The following CHRM3 variants were observed in gnomAD, a reference collection of about 807,000 sequenced individuals.
CHRM3 encodes the protein muscarinic acetylcholine receptor M3.
A neutral mutation model predicts 41.8 loss-of-function variants in CHRM3; 11 were observed. The observed-to-expected ratio is 0.26, with a 90% confidence interval of 0.17 to 0.44. The LOEUF (loss-of-function observed/expected upper bound fraction) is 0.44, where lower values mean the gene tolerates loss of function less well. CHRM3 is among the 20% of genes least tolerant of loss of function. The pLI is 1.00. For missense variants in CHRM3, 571 were observed against 745.4 expected, an observed-to-expected ratio of 0.77 and a Z score of 2.72; for synonymous variants, 297 against 301.4, an observed-to-expected ratio of 0.99 and a Z score of 0.15.
chr1:239,565,636 T>A (rs1661286531), intron 3 of CHRM3, among the ~76,000 whole-genome samples: 2 of 152,224 alleles, frequency 1.3e-5, no homozygotes, highest in South Asian at 4.1e-4. Context: ...GTCCTTGTGA[T>A]CTATATTGGA....
chr1:239,540,404 AT>A (rs1415484755), intron 2 of CHRM3, among the ~76,000 whole-genome samples: 1 of 152,228 alleles, frequency 6.6e-6, no homozygotes, highest in Non-Finnish European at 1.5e-5. Flanking sequence ...CTTTAAAAAA[AT>A]CTGCCTCTGT....
chr1:239,475,919 T>C (rs961022410), intron 1 of CHRM3, among the ~76,000 whole-genome samples: 1 of 152,140 alleles, frequency 6.6e-6, no homozygotes, highest in East Asian at 1.9e-4. Context: ...AATTCTGTGG[T>C]TGAGAATTGT....
chr1:239,439,573 G>T (rs1663545831), intron 1 of CHRM3, among the ~76,000 whole-genome samples: 1 of 152,118 alleles, frequency 6.6e-6, no homozygotes, highest in African/African-American at 2.4e-5. Context: ...GATAAATCCT[G>T]ATAAATTGTT....
intron 5 of CHRM3, among the ~76,000 whole-genome samples, chr1:239,679,171 T>C (rs1235275242): frequency 6.6e-6 from 1 of 152,208 alleles, no homozygotes. Flanking sequence ...TGCTTACTTG[T>C]ATGCAACTTT....
At chr1:239,806,875 A>G (rs961163017) in intron 5 of CHRM3, among the ~76,000 whole-genome samples, 3 of 152,208 alleles carry the variant, frequency 2.0e-5, no homozygotes, top group Non-Finnish European at 4.4e-5. Context: ...AAGGCGTAAA[A>G]TTAATAAACT....
At chr1:239,787,794 C>A (rs79031012) in intron 5 of CHRM3, among the ~76,000 whole-genome samples, 2,103 of 152,210 alleles carry the variant, frequency 0.014, 46 homozygotes, top group African/African-American at 0.048. Context: ...AGCTTGCCTG[C>A]AATTTTCTAA....
rs921180876 is a variant in CHRM3, at chr1:239,731,284, T to G, written c.-147+52996T>G. Among the ~76,000 whole-genome samples the G allele has an allele frequency of 3.3e-5, 5 of 151,888 alleles. No homozygotes were observed. In the South Asian group the frequency reaches 1.0e-3, roughly 31 times the overall value. The stretch of plus-strand genomic sequence containing the variant: ...ACTATATGGATGTCAGTGGAATCCA[T>G]GAGTCTGACTGAGAGCACTCAGACA... On this transcript the variant is annotated intron_variant, in intron 5 of 6. Coordinates refer to ENST00000676153, the MANE Select transcript of CHRM3 (RefSeq NM_001375978.1).
chr1:239,577,233 C>T (rs927777463), intron 3 of CHRM3, among the ~76,000 whole-genome samples: 2 of 152,006 alleles, frequency 1.3e-5, no homozygotes, highest in Non-Finnish European at 2.9e-5. Context: ...TCCTTTCCTT[C>T]GTTTTTCTTT....
chr1:239,808,531 A>C (rs1400634445), intron 5 of CHRM3, among the ~76,000 whole-genome samples: 1 of 152,184 alleles, frequency 6.6e-6, no homozygotes, highest in Non-Finnish European at 1.5e-5. Flanking sequence ...TACGAGATCA[A>C]ATCTAACGGA....
intron 4 of CHRM3, among the ~76,000 whole-genome samples, chr1:239,646,579 A>C (rs1438452656): frequency 1.3e-5 from 2 of 152,174 alleles, no homozygotes; most frequent in Non-Finnish European, 2.9e-5. Context: ...TTCTATAAGA[A>C]GGTTATATAA....
intron 1 of CHRM3, among the ~76,000 whole-genome samples, chr1:239,417,853 G>T (rs912638203): frequency 6.6e-6 from 1 of 152,064 alleles, no homozygotes; most frequent in Non-Finnish European, 1.5e-5. Context: ...AACTTTTTGT[G>T]ACTATTTGAC....
chr1:239,705,696 A>G (rs1661090899), intron 5 of CHRM3: 1 of 152,128 alleles, frequency 6.6e-6, no homozygotes, highest in African/African-American at 2.4e-5. Context: ...CCCTATCTTT[A>G]TAGGGAAGGA....
intron 5 of CHRM3, among the ~76,000 whole-genome samples, chr1:239,724,188 C>A (rs1663230524): frequency 6.6e-6 from 1 of 151,790 alleles, no homozygotes; most frequent in African/African-American, 2.4e-5. Flanking sequence ...TGGACGCATC[C>A]TGGCCCTTAT....
intron 3 of CHRM3, among the ~76,000 whole-genome samples, chr1:239,580,037 C>T (rs991783001): frequency 2.6e-5 from 4 of 152,050 alleles, no homozygotes; most frequent in Non-Finnish European, 4.4e-5. Context: ...CCTTAGCTGC[C>T]CTCATTTATG....
intron 3 of CHRM3, among the ~76,000 whole-genome samples, chr1:239,562,659 G>A (rs749859676): frequency 3.9e-5 from 6 of 152,044 alleles, no homozygotes; most frequent in African/African-American, 9.7e-5. Flanking sequence ...GGAGGCTAAG[G>A]CAGGTAGATC....
intron 6 of CHRM3, among the ~76,000 whole-genome samples, chr1:239,874,301 A>ATATATCTATATACACAGTGTG (rs1553291981): frequency 8.1e-6 from 1 of 123,838 alleles, no homozygotes; most frequent in Non-Finnish European, 1.6e-5. Flanking sequence ...ATATATATAT[A>ATATATCTATATACACAGTGTG]TATATATATA....
At chr1:239,478,189 C>T (rs1666591781) in intron 1 of CHRM3, among the ~76,000 whole-genome samples, 1 of 152,164 alleles carries the variant, frequency 6.6e-6, no homozygotes, top group Admixed American at 6.5e-5. Context: ...TGATTTCACC[C>T]TCAGTGGTTA....
At chr1:239,802,345 G>T (rs188590331) in intron 5 of CHRM3, among the ~76,000 whole-genome samples, 1 of 152,210 alleles carries the variant, frequency 6.6e-6, no homozygotes, top group East Asian at 1.9e-4. Flanking sequence ...ATTTCATGTC[G>T]ATGGTTGAGA....
At chr1:239,760,205 G>A (rs546336975) in intron 5 of CHRM3, among the ~76,000 whole-genome samples, 20 of 151,906 alleles carry the variant, frequency 1.3e-4, no homozygotes, top group African/African-American at 4.1e-4. Context: ...GATTACAGGC[G>A]TGAGCCACCG....
Sources: gnomAD v4.1 joint callset for allele counts (sites outside exome capture counted in the v4.1 genomes callset) on GRCh38, gnomAD v4.1.1 for gene constraint, MANE v1.5 for transcripts, NCBI Gene and HGNC (gene_info 2026-07-23, HGNC 2026-07-21) for gene names.